Variants in KCP observed in about 807,000 individuals in gnomAD.
KCP encodes the protein kielin/chordin-like protein.
A neutral mutation model predicts 212.7 loss-of-function variants in KCP; 194 were observed. The observed-to-expected ratio is 0.91, with a 90% confidence interval of 0.81 to 1.03. The LOEUF is 1.03. KCP is among the 50% of genes least tolerant of loss of function. The pLI is 0.00. For synonymous variants in KCP, 833 were observed against 865.3 expected (o/e 0.96, Z 0.65); for missense variants, 2,080 against 2,162.5 (o/e 0.96, Z 0.76).
intron 8 of KCP, among the ~76,000 whole-genome samples, chr7:128,897,482 T>C (rs1794598236): frequency 6.6e-6 from 1 of 152,204 alleles, no homozygotes; most frequent in Admixed American, 6.5e-5. Context: ...GTGTGTGATG[T>C]TTATATAGAA....
intron 22 of KCP, among the ~76,000 whole-genome samples, chr7:128,888,641 CACAT>C (rs1195928392): frequency 1.3e-5 from 2 of 151,930 alleles, no homozygotes; most frequent in Non-Finnish European, 2.9e-5. Flanking sequence ...CAGACACACA[CACAT>C]ACACAGCCAC....
intron 22 of KCP, among the ~76,000 whole-genome samples, chr7:128,888,119 T>C (rs200398127): frequency 2.3e-4 from 27 of 118,004 alleles, no homozygotes; most frequent in Non-Finnish European, 3.0e-4. Context: ...GCTACAGCCA[T>C]ACACACACAC....
chr7:128,904,778 A>T (rs1795039879), intron 5 of KCP, among the ~76,000 whole-genome samples: 1 of 152,260 alleles, frequency 6.6e-6, no homozygotes, highest in Non-Finnish European at 1.5e-5. Flanking sequence ...AAGGGGCACC[A>T]TTCACGTGAC....
rs771916334 is a variant in KCP at position 128,886,536 on chromosome 7, G to A, written c.2794C>T (p.Arg932Trp). ...RCQAGQVSCV[R>W]LQCPPLPCKL... Reference sequence around the variant, plus strand: ...CAGGGAAGGGGTGGGCACTGCAGCCGCACACAGCTGACCTGGCCAGCCTGT... The same window carrying A: ...CAGGGAAGGGGTGGGCACTGCAGCCACACACAGCTGACCTGGCCAGCCTGT... Residue 932 changes from arginine to tryptophan, a missense_variant, in exon 26 of 40, where the codon CGG (arginine) becomes TGG (tryptophan). Physicochemically the swap from Arg to Trp is moderately radical, Grantham distance 101. Coordinates refer to ENST00000610776, the MANE Select transcript of KCP (RefSeq NM_001366122.1). The A allele has an allele frequency of 8.6e-5, 134 of 1,550,924 alleles. 2 individuals are homozygous for A. The South Asian group carries it at 9.5e-4, about 11-fold the overall frequency.
rs966045238 is a variant in KCP at position 128,893,260 on chromosome 7, G to A, written c.1245C>T (p.Ala415=). Residue 415 remains alanine, a synonymous_variant, in exon 13 of 40, where the codon GCC becomes GCT. Transcript: ENST00000610776. The stretch of plus-strand genomic sequence containing the variant: ...CACCTGGGCAGAGCTGGCGGCCAGA[G>A]GCAGGCAGGGCACAGGGGGTGACTG... ...ECPVTPCALP[A]SGRQLCPACE... 21 of 1,551,302 alleles carry A rather than the reference G, an allele frequency of 1.4e-5. No homozygotes were observed. In the African/African-American group the frequency reaches 2.3e-4, roughly 17 times the overall value.
chr7:128,890,540 G>T, intron 20 of KCP, 27 bp from the exon 21 acceptor site: 2 of 1,534,252 alleles, frequency 1.3e-6, no homozygotes. Context: ...GGGCTGGGGG[G>T]CCGTGGGGAC....
chr7:128,877,246 A>AGGTGCGGGGACAGGGTGGGCCGC lies in KCP; in HGVS notation c.4661_4683dup (p.Cys1562AlafsTer24). 1 of 1,485,526 alleles carries AGGTGCGGGGACAGGGTGGGCCGC rather than the reference A, an allele frequency of 6.7e-7. No homozygotes were observed. Among genetic ancestry groups the AGGTGCGGGGACAGGGTGGGCCGC allele is most frequent in the Non-Finnish European group, 8.9e-7 (1 of 1,118,202 alleles). The allele number at this position is 1,485,526 out of a possible 1,614,324, so 92.0% of individuals were successfully genotyped here. On this transcript the variant is annotated frameshift_variant, in exon 40 of 40. Transcript: ENST00000610776. LOFTEE classifies it high-confidence loss of function. ...CCCAGGGGGATATGCTGATTGAAGC[A>AGGTGCGGGGACAGGGTGGGCCGC]GGTGCGGGGACAGGGTGGGCCGCAC...
intron 22 of KCP, 74 bp from the exon 23 acceptor site, chr7:128,887,374 TC>T: frequency 9.0e-7 from 1 of 1,107,208 alleles, no homozygotes; most frequent in Non-Finnish European, 1.3e-6. Context: ...ACACAGCCCC[TC>T]CCCCTCCACA....
At chr7:128,879,005 A>G in intron 37 of KCP, 1 of 459,378 alleles carries the variant, frequency 2.2e-6, no homozygotes, top group Admixed American at 3.7e-5. Flanking sequence ...CCCCAGGTGA[A>G]ATGCAACCCC....
intron 7 of KCP, 70 bp downstream of exon 7, chr7:128,903,657 G>T: frequency 1.5e-6 from 2 of 1,303,884 alleles, no homozygotes; most frequent in Non-Finnish European, 2.1e-6. Flanking sequence ...GGCAAGGTGG[G>T]CTCTGGAATT....
rs1164839999 is a variant in KCP, at chr7:128,877,571, C to T, written c.4531G>A (p.Ala1511Thr). ...GCTTCCAGGGCATCACAGAGGCAGG[C>T]ATCAGCGGAGGAGCCAGGGCCACAG... ...CACGPGSSAD[A>T]CLCDALEAYA... is the part of the protein sequence containing the mutation. Residue 1511 changes from alanine (A) to threonine (T), a missense_variant, in exon 39 of 40, where the codon GCC becomes ACC. Coordinates refer to ENST00000610776, the MANE Select transcript of KCP (RefSeq NM_001366122.1). 1.9e-6 allele frequency: 3 copies of T among 1,551,454 alleles called. No homozygotes were observed. Among genetic ancestry groups the T allele is most frequent in the Non-Finnish European group, 2.6e-6 (3 of 1,146,996 alleles).
Position 128,908,449 on chromosome 7 carries a change from C to T in KCP, c.196G>A (p.Ala66Thr), listed in dbSNP as rs780338618. The part of the protein sequence containing the change: ...LREWLGRLEA[A>T]VMELREQNKD... ...ACCTGTTCTCTGAGCTCCATCACTG[C>T]AGCCTCCAGTCGCCCCAGCCACTCT... is the stretch of plus-strand genomic sequence containing the variant. Residue 66 changes from alanine (A) to threonine (T), a missense_variant, in exon 2 of 40, where the codon GCA becomes ACA. Physicochemically the swap from Ala to Thr is moderately conservative, Grantham distance 58. Coordinates refer to ENST00000610776, the MANE Select transcript of KCP (RefSeq NM_001366122.1). The T allele has an allele frequency of 9.0e-6, 14 of 1,551,530 alleles. No individual in the cohort carries two copies. The South Asian group carries it at 1.7e-4, about 18-fold the overall frequency.
Position 128,878,449 on chromosome 7 carries a change from T to C in KCP, c.4311+109A>G. ...CTCCCTGAAAGCCCAAAAGCCTATC[T>C]TGTGTGACTTCGCCCCCCTTCCCTG... On this transcript the variant is annotated intron_variant, in intron 38 of 39. Coordinates refer to ENST00000610776, the MANE Select transcript of KCP (RefSeq NM_001366122.1). 5.7e-6 allele frequency: 7 copies of C among 1,232,004 alleles called. 1 individual carries two copies. Among genetic ancestry groups the C allele is most frequent in the African/African-American group, 1.5e-5 (1 of 65,672 alleles). The allele number at this position is 1,232,004 out of a possible 1,614,324, so 76.3% of individuals were successfully genotyped here. A position where few individuals can be genotyped will look rare whatever the true frequency, so the allele number is the denominator to read the frequency against.
chr7:128,907,530 A>T, intron 2 of KCP, 77 bp from the exon 3 acceptor site: 2 of 1,018,172 alleles, frequency 2.0e-6, no homozygotes, highest in Non-Finnish European at 2.6e-6. Flanking sequence ...GGGTGTGAAA[A>T]TGAGGCAGGA....
intron 22 of KCP, among the ~76,000 whole-genome samples, chr7:128,888,401 CACACATACACACATACAGCA>C (rs1793858683): frequency 1.3e-5 from 2 of 150,718 alleles, no homozygotes; most frequent in African/African-American, 4.9e-5. Context: ...CACACAGATA[CACACATACACACATACAGCA>C]ACACATACAC....
chr7:128,888,848 C>T lies in KCP; in HGVS notation c.2512+15G>A. On this transcript the variant is annotated intron_variant, in intron 22 of 39. Transcript: ENST00000610776. ...AGCCCCAGCAGGGGGAATGGAAGGG[C>T]AGGTGTGGCTCTACCCTGGCAGGTC... 6.5e-7 allele frequency: 1 copy of T among 1,545,308 alleles called. No homozygotes were observed. The highest frequency in any genetic ancestry group is 2.0e-5 in the Admixed American group (1 of 50,628).
At position 128,902,814 on chromosome 7, in the gene KCP, G is replaced by A; in HGVS notation, c.794C>T (p.Thr265Ile). 1 of 1,551,526 alleles carries A rather than the reference G, an allele frequency of 6.4e-7. No homozygotes were observed. The highest frequency in any genetic ancestry group is 8.7e-7 in the Non-Finnish European group (1 of 1,147,018). Reference sequence around the variant, plus strand: ...GATTCGGCAGGGGTCCCCAGGTGTTGTCCACTCTTGGCCATGTTCCCAGTG... The same window carrying A: ...GATTCGGCAGGGGTCCCCAGGTGTTATCCACTCTTGGCCATGTTCCCAGTG... ...GSHWEHGQEW[T>I]TPGDPCRICR... The change falls in exon 8 of 40, where the codon ACA (threonine) becomes ATA (isoleucine). Residue 265 changes from threonine (T) to isoleucine (I), a missense_variant. Coordinates refer to ENST00000610776, the MANE Select transcript of KCP (RefSeq NM_001366122.1).
Position 128,893,840 on chromosome 7 carries a change from G to A in KCP, c.1065C>T (p.Gly355=). 1 of 1,551,260 alleles carries A rather than the reference G, an allele frequency of 6.4e-7. No individual in the cohort carries two copies. The highest frequency in any genetic ancestry group is 8.7e-7 in the Non-Finnish European group (1 of 1,146,982). ...CAGGGCAGCACTGCCCAGGGATCTT[G>A]CCTGGGTGTCTGCAGGGCACTGGCG... The part of the protein sequence containing the change: ...PCPPVPCRHP[G]KIPGQCCPVC... The change falls in exon 11 of 40, where the codon GGC becomes GGT. Residue 355 remains glycine (G), a synonymous_variant. Coordinates refer to ENST00000610776, the MANE Select transcript of KCP (RefSeq NM_001366122.1).
intron 8 of KCP, among the ~76,000 whole-genome samples, chr7:128,900,483 A>G (rs1794784523): frequency 6.6e-6 from 1 of 152,218 alleles, no homozygotes; most frequent in Non-Finnish European, 1.5e-5. Context: ...TAGCAACCCC[A>G]TATCAGCTTG....
Sources: gnomAD v4.1 joint callset for allele counts (sites outside exome capture counted in the v4.1 genomes callset) on GRCh38, gnomAD v4.1.1 for gene constraint, MANE v1.5 for transcripts, NCBI Gene and HGNC (gene_info 2026-07-23, HGNC 2026-07-21) for gene names.